Variants in MYMX observed in about 807,000 individuals in gnomAD.
The protein encoded by MYMX is protein myomixer.
chr6:44,201,370 T>C, the MYMX span, among the ~76,000 whole-genome samples: 1 of 152,106 alleles, frequency 6.6e-6, no homozygotes, highest in Admixed American at 6.5e-5. Context: ...TCTCCCCACC[T>C]GCTCCTTGGT....
At chr6:44,198,445 G>A in the MYMX span, among the ~76,000 whole-genome samples, 6 of 151,994 alleles carry the variant, frequency 3.9e-5, no homozygotes, top group South Asian at 8.3e-4. Context: ...GATTACAGGC[G>A]TGAGCCACCG....
At chr6:44,193,472 G>A in the MYMX span, among the ~76,000 whole-genome samples, 22 of 152,098 alleles carry the variant, frequency 1.4e-4, no homozygotes, top group Admixed American at 1.3e-4. Flanking sequence ...GCACAGAATG[G>A]CTAATGACTT....
the MYMX span, among the ~76,000 whole-genome samples, chr6:44,198,338 T>C: frequency 1.7e-4 from 26 of 151,352 alleles, no homozygotes; most frequent in Non-Finnish European, 3.8e-4. Flanking sequence ...GCTAATTTTT[T>C]ATATTTTTAG....
chr6:44,201,944 C>T, the MYMX span, among the ~76,000 whole-genome samples: 5 of 152,170 alleles, frequency 3.3e-5, no homozygotes, highest in Admixed American at 6.5e-5. Flanking sequence ...GGTTCCAGAG[C>T]GACCAACTCA....
At chr6:44,204,812 G>A in the MYMX span, among the ~76,000 whole-genome samples, 2 of 152,060 alleles carry the variant, frequency 1.3e-5, no homozygotes, top group Non-Finnish European at 2.9e-5. Flanking sequence ...TTATATTTTT[G>A]TGGGACTCCT....
chr6:44,208,143 G>T, the MYMX span, among the ~76,000 whole-genome samples: 1 of 151,534 alleles, frequency 6.6e-6, no homozygotes. Context: ...CAGGAGGATC[G>T]CTTAAGCCTG....
At chr6:44,202,648 T>C in the MYMX span, among the ~76,000 whole-genome samples, 8 of 152,110 alleles carry the variant, frequency 5.3e-5, no homozygotes, top group South Asian at 2.1e-4. Context: ...GCAGCTTTAG[T>C]GTTCCCGCCT....
At chr6:44,200,387 T>C in the MYMX span, among the ~76,000 whole-genome samples, 1 of 152,172 alleles carries the variant, frequency 6.6e-6, no homozygotes, top group Non-Finnish European at 1.5e-5. Context: ...CGATCTGGGC[T>C]CACTGCAACT....
At chr6:44,208,626 G>T in the MYMX span, among the ~76,000 whole-genome samples, 1 of 152,124 alleles carries the variant, frequency 6.6e-6, no homozygotes, top group Non-Finnish European at 1.5e-5. Flanking sequence ...AACACTAGAT[G>T]CCTGTTTTAA....
the MYMX span, among the ~76,000 whole-genome samples, chr6:44,210,396 CT>C: frequency 6.6e-6 from 1 of 152,090 alleles, no homozygotes; most frequent in Non-Finnish European, 1.5e-5. Context: ...TGAAGTGATC[CT>C]CCTGTCTCAG....
chr6:44,213,342 CGCCA>C (rs1561866684), upstream of MYMX, among the ~76,000 whole-genome samples: 2 of 150,566 alleles, frequency 1.3e-5, no homozygotes, highest in African/African-American at 5.0e-5. Flanking sequence ...GCTGAGATCA[CGCCA>C]TTGCACTCCA....
the MYMX span, among the ~76,000 whole-genome samples, chr6:44,200,303 T>C: frequency 1.3e-5 from 2 of 152,000 alleles, no homozygotes; most frequent in Admixed American, 1.3e-4. Context: ...TCTTGCCTAG[T>C]TTTTTTTATT....
chr6:44,206,015 TTTGTTG>T, the MYMX span, among the ~76,000 whole-genome samples: 1 of 148,138 alleles, frequency 6.8e-6, no homozygotes, highest in African/African-American at 2.5e-5. Context: ...AAACCTCATT[TTTGTTG>T]TTGTTGTTGT....
At chr6:44,216,670 AAAG>A (rs1362724488), upstream of MYMX, among the ~76,000 whole-genome samples, 801 of 145,188 alleles carry the variant, frequency 5.5e-3, 39 homozygotes, top group Middle Eastern at 0.018. Flanking sequence ...AAAAAAAAAA[AAAG>A]AAGAAGAGAA....
upstream of MYMX, among the ~76,000 whole-genome samples, chr6:44,215,620 C>T (rs551994388): frequency 6.5e-5 from 9 of 137,890 alleles, no homozygotes; most frequent in East Asian, 2.0e-3. Context: ...ACAGGCTGGG[C>T]GTTGTGGCTC....
chr6:44,215,433 C>A (rs1320538272), upstream of MYMX, among the ~76,000 whole-genome samples: 1 of 151,812 alleles, frequency 6.6e-6, no homozygotes. Flanking sequence ...AAAAAGTAAC[C>A]GGGTGTGGTG....
At chr6:44,202,253 C>T in the MYMX span, among the ~76,000 whole-genome samples, 2 of 152,080 alleles carry the variant, frequency 1.3e-5, no homozygotes, top group Non-Finnish European at 2.9e-5. Flanking sequence ...ACACAGTTGG[C>T]ACACAATGTA....
chr6:44,199,777 G>A, the MYMX span, among the ~76,000 whole-genome samples: 3 of 149,130 alleles, frequency 2.0e-5, no homozygotes, highest in South Asian at 2.1e-4. Flanking sequence ...TCAATCTCCC[G>A]GGCTCAAGCC....
chr6:44,203,989 A>C, the MYMX span, among the ~76,000 whole-genome samples: 1 of 152,132 alleles, frequency 6.6e-6, no homozygotes, highest in African/African-American at 2.4e-5. Flanking sequence ...CTGGGATTAC[A>C]GGCACGCATC....
Sources: allele counts gnomAD v4.1 joint callset (sites outside exome capture counted in the v4.1 genomes callset), GRCh38; gene constraint gnomAD v4.1.1; transcripts MANE v1.5; gene names NCBI Gene and HGNC (gene_info 2026-07-23, HGNC 2026-07-21).